DIP2C: variants seen among roughly 807,000 people sequenced by gnomAD.
DIP2C encodes DIP2 acetate--CoA ligase C (putative), also known as disco-interacting protein 2 homolog C.
A neutral mutation model predicts 192.4 loss-of-function variants in DIP2C; 33 were observed. The observed-to-expected ratio is 0.17, with a 90% CI of 0.13 to 0.23. The LOEUF (loss-of-function observed/expected upper bound fraction) is 0.23, where lower values mean the gene tolerates loss of function less well. Ranked by LOEUF, DIP2C falls within the 10% of genes least tolerant of loss-of-function variation. The pLI, the probability that DIP2C is intolerant of heterozygous loss-of-function variation, is 1.00. For synonymous variants in DIP2C, 979 were observed against 864.1 expected (o/e 1.13, Z -2.33); for missense variants, 1,537 against 2,110.1 (o/e 0.73, Z 5.32).
chr10:575,808 A>G (rs1240200383), intron 1 of DIP2C, among the ~76,000 whole-genome samples: 1 of 152,198 alleles, frequency 6.6e-6, no homozygotes, highest in African/African-American at 2.4e-5. Flanking sequence ...CCCAACTAGG[A>G]AGCGCAAGGA....
chr10:545,037 C>T (rs1012987728), intron 1 of DIP2C, among the ~76,000 whole-genome samples: 4 of 152,158 alleles, frequency 2.6e-5, no homozygotes, highest in African/African-American at 9.7e-5. Flanking sequence ...TGAACTGTGT[C>T]CCCGCAAGAT....
chr10:372,136 C>T (rs1245972200), intron 17 of DIP2C, among the ~76,000 whole-genome samples: 5 of 148,218 alleles, frequency 3.4e-5, no homozygotes, highest in African/African-American at 7.5e-5. Context: ...AGTGCAATGG[C>T]GTGATCTTGG....
intron 1 of DIP2C, chr10:664,674 AT>A (rs1856977863): frequency 6.6e-6 from 1 of 152,162 alleles, no homozygotes. Flanking sequence ...ATGTATCTCA[AT>A]TTTTTATACT....
In DIP2C at chr10:445,618, G is replaced by T. The variant is rs1018356718; in HGVS notation, c.269-4622C>A. Among the ~76,000 whole-genome samples the T allele has an allele frequency of 2.2e-4, 24 of 111,582 alleles. No homozygotes were observed. In the African/African-American group the frequency reaches 2.2e-3, roughly 10 times the overall value. The allele number at this position is 111,582 out of a possible 152,430, so 73.2% of individuals were successfully genotyped here. A position where few individuals can be genotyped will look rare whatever the true frequency, so the allele number is the denominator to read the frequency against. On this transcript the variant is annotated intron_variant, in intron 3 of 36. Transcript: ENST00000280886. ...GTCTACTGGGCATCTGTATACAACT[G>T]TTGCGAAGAGTCTATCTTGCACTGG...
chr10:586,425 G>A lies in DIP2C; in HGVS notation c.86-99895C>T, dbSNP rs188121031. 2.0e-5 allele frequency among the ~76,000 whole-genome samples: 3 copies of A among 152,152 alleles called. No homozygotes were observed. The East Asian group carries it at 5.8e-4, about 29-fold the overall frequency. On this transcript the variant is annotated intron_variant, in intron 1 of 36. Coordinates refer to ENST00000280886, the MANE Select transcript of DIP2C (RefSeq NM_014974.3). ...CTTCCTCAGGGACCACCAACCTCACGCCACCACCCCTCACTACTTCACTAA... is the reference window on the plus strand; with the variant it reads ...CTTCCTCAGGGACCACCAACCTCACACCACCACCCCTCACTACTTCACTAA...
At chr10:548,209 C>CCA (rs1554897777) in intron 1 of DIP2C, among the ~76,000 whole-genome samples, 1 of 34,940 alleles carries the variant, frequency 2.9e-5, no homozygotes, top group South Asian at 2.2e-3. Context: ...GTCTGCCCCA[C>CCA]CCCCCCCCCC....
chr10:388,950 TG>T (rs11343399), intron 13 of DIP2C, among the ~76,000 whole-genome samples: 85,076 of 139,260 alleles, frequency 0.61, 24,772 homozygotes, highest in East Asian at 0.79. Context: ...CTCAGGGACA[TG>T]GGGGGGTTCT....
At chr10:293,067 G>A (rs952859437) in intron 32 of DIP2C, among the ~76,000 whole-genome samples, 1 of 152,226 alleles carries the variant, frequency 6.6e-6, no homozygotes, top group South Asian at 2.1e-4. Context: ...CAACTGCTTC[G>A]GACCAGTGCA....
At chr10:522,507 C>G (rs1050551629) in intron 1 of DIP2C, among the ~76,000 whole-genome samples, 1 of 152,258 alleles carries the variant, frequency 6.6e-6, no homozygotes, top group Non-Finnish European at 1.5e-5. Flanking sequence ...AGCTGCCCCA[C>G]TTTTCCCAGC....
Position 274,749 on chromosome 10 carries a change from G to A in DIP2C, c.*2576C>T, listed in dbSNP as rs1189046987. On this transcript the variant is annotated 3_prime_UTR_variant, in exon 37 of 37. Transcript: ENST00000280886. ...AATAAACAAGCACCATGAGGAATCT[G>A]CTCCTGTTTGATTAGGTCTGTGTTT... The A allele has an allele frequency of 6.6e-6, 1 of 152,154 alleles. No homozygotes were observed. The highest frequency in any genetic ancestry group is 1.9e-4 in the East Asian group (1 of 5,202). The allele number at this position is 152,154 out of a possible 1,614,324, so 9.4% of individuals were successfully genotyped here.
intron 1 of DIP2C, among the ~76,000 whole-genome samples, chr10:580,243 A>G (rs1055938830): frequency 3.3e-5 from 5 of 152,092 alleles, no homozygotes; most frequent in African/African-American, 9.7e-5. Flanking sequence ...TAACATATAC[A>G]TGTGTAAAGT....
intron 7 of DIP2C, among the ~76,000 whole-genome samples, chr10:414,961 C>T (rs112931781): frequency 7.7e-4 from 111 of 143,820 alleles, no homozygotes; most frequent in African/African-American, 2.4e-3. Context: ...AGGCTGGTCT[C>T]GAACTCCCAG....
At chr10:566,989 T>C (rs1332435176) in intron 1 of DIP2C, among the ~76,000 whole-genome samples, 1 of 152,228 alleles carries the variant, frequency 6.6e-6, no homozygotes, top group Non-Finnish European at 1.5e-5. Context: ...TGAGATGAAC[T>C]GACCTATTCA....
At chr10:542,044 G>A (rs1848021476) in intron 1 of DIP2C, among the ~76,000 whole-genome samples, 1 of 152,146 alleles carries the variant, frequency 6.6e-6, no homozygotes, top group African/African-American at 2.4e-5. Context: ...TTCTATCTGC[G>A]GGAGCCGGCA....
chr10:331,722 C>G (rs1589505014), intron 29 of DIP2C, among the ~76,000 whole-genome samples: 1 of 152,182 alleles, frequency 6.6e-6, no homozygotes, highest in African/African-American at 2.4e-5. Context: ...AACCTATCTC[C>G]TCCGTGGACA....
At chr10:445,641 T>A (rs879262853) in intron 3 of DIP2C, among the ~76,000 whole-genome samples, 23,632 of 150,652 alleles carry the variant, frequency 0.16, 4,937 homozygotes, top group African/African-American at 0.48. Context: ...TATCTTGCAC[T>A]GGGCATCTGT....
intron 1 of DIP2C, chr10:650,922 T>C: frequency 1.4e-6 from 1 of 716,392 alleles, no homozygotes; most frequent in Non-Finnish European, 2.6e-6. Context: ...GGTGTGTCCA[T>C]GCAGGACCCC....
chr10:447,924 T>G (rs1188406787), intron 3 of DIP2C, among the ~76,000 whole-genome samples: 30 of 96,992 alleles, frequency 3.1e-4, no homozygotes, highest in African/African-American at 8.0e-4. Context: ...CATCCCTGTC[T>G]ATACTCAGGA....
At chr10:488,797 T>TG (rs1844211398) in intron 1 of DIP2C, among the ~76,000 whole-genome samples, 1 of 152,234 alleles carries the variant, frequency 6.6e-6, no homozygotes, top group Non-Finnish European at 1.5e-5. Flanking sequence ...GTAACACACA[T>TG]GCACAGTTAT....
Sources: gnomAD v4.1 joint callset for allele counts (sites outside exome capture counted in the v4.1 genomes callset) on GRCh38, gnomAD v4.1.1 for gene constraint, MANE v1.5 for transcripts, NCBI Gene and HGNC (gene_info 2026-07-23, HGNC 2026-07-21) for gene names.